Variants in CNTNAP2 observed in about 807,000 individuals in gnomAD.
CNTNAP2 encodes contactin associated protein 2, also known as contactin-associated protein-like 2.
CNTNAP2 carries 98 observed loss-of-function variants against 155.2 expected under a neutral mutation model. That is an observed-to-expected ratio of 0.63 (90% CI 0.54 to 0.75). The LOEUF is 0.75. Among genes scored for constraint, CNTNAP2 ranks in the 30% least tolerant of loss-of-function variants. The probability of loss-of-function intolerance (pLI) is 0.00; values close to 1 mark genes in which losing one functional copy is unlikely to be tolerated. For synonymous variants in CNTNAP2, 651 were observed against 631.2 expected (o/e 1.03, Z -0.47); for missense variants, 1,727 against 1,688.1 (o/e 1.02, Z -0.40).
intron 8 of CNTNAP2, among the ~76,000 whole-genome samples, chr7:147,294,121 T>C (rs1033277439): frequency 2.6e-5 from 4 of 152,288 alleles, no homozygotes; most frequent in African/African-American, 9.6e-5. Context: ...CTCAGCCTCT[T>C]ATGGGGCAAG....
intron 8 of CNTNAP2, among the ~76,000 whole-genome samples, chr7:147,243,103 T>C (rs1438495354): frequency 6.9e-6 from 1 of 145,428 alleles, no homozygotes; most frequent in African/African-American, 2.5e-5. Flanking sequence ...TTTCAAGTGA[T>C]TCCCGTGCCT....
At chr7:146,289,643 G>A (rs1014227490) in intron 1 of CNTNAP2, among the ~76,000 whole-genome samples, 4 of 152,074 alleles carry the variant, frequency 2.6e-5, no homozygotes, top group Non-Finnish European at 5.9e-5. Context: ...AGCGATTTGG[G>A]CCTTCAGCAA....
intron 11 of CNTNAP2, among the ~76,000 whole-genome samples, chr7:147,548,250 C>T (rs1799781870): frequency 6.6e-6 from 1 of 152,208 alleles, no homozygotes; most frequent in African/African-American, 2.4e-5. Context: ...TATTTCTCCA[C>T]AGCCTCACCA....
intron 13 of CNTNAP2, among the ~76,000 whole-genome samples, chr7:147,726,090 T>C (rs1193182441): frequency 2.0e-5 from 3 of 151,850 alleles, no homozygotes; most frequent in African/African-American, 7.2e-5. Context: ...AATAGAATGG[T>C]GGAAGGGCAT....
chr7:146,201,950 A>G (rs906714914), intron 1 of CNTNAP2, among the ~76,000 whole-genome samples: 9 of 146,034 alleles, frequency 6.2e-5, no homozygotes, highest in Non-Finnish European at 1.0e-4. Context: ...AAAACAACAA[A>G]AAACCAAATC....
intron 1 of CNTNAP2, among the ~76,000 whole-genome samples, chr7:146,536,645 A>G (rs1426287508): frequency 6.6e-6 from 1 of 151,560 alleles, no homozygotes; most frequent in Non-Finnish European, 1.5e-5. Flanking sequence ...TGGAAAAGAA[A>G]CTAATGCATC....
intron 15 of CNTNAP2, among the ~76,000 whole-genome samples, chr7:147,987,056 G>A (rs960896332): frequency 5.3e-5 from 8 of 152,062 alleles, no homozygotes; most frequent in African/African-American, 1.9e-4. Flanking sequence ...ACTAACAACT[G>A]AGAAGCAGTA....
chr7:148,031,219 C>T (rs373422174), intron 15 of CNTNAP2, among the ~76,000 whole-genome samples: 4 of 152,040 alleles, frequency 2.6e-5, no homozygotes, highest in African/African-American at 4.8e-5. Flanking sequence ...GGATAGCTCC[C>T]GGGTCCTTAA....
In CNTNAP2 at chr7:147,369,561, A is replaced by G. The variant is rs149456410; in HGVS notation, c.1499-26048A>G. Reference sequence around the variant, plus strand: ...TCAAGAATCAGCAGTCTGTTTTTCCATAAAGGGCCTAATAAATATTCTCAG... The same window carrying G: ...TCAAGAATCAGCAGTCTGTTTTTCCGTAAAGGGCCTAATAAATATTCTCAG... On this transcript the variant is annotated intron_variant, in intron 9 of 23. Coordinates refer to ENST00000361727, the MANE Select transcript of CNTNAP2 (RefSeq NM_014141.6). Among the ~76,000 whole-genome samples, 39 of 152,304 alleles carry G rather than the reference A, an allele frequency of 2.6e-4. No individual in the cohort carries two copies. In the East Asian group the frequency reaches 6.4e-3, roughly 25 times the overall value.
intron 13 of CNTNAP2, among the ~76,000 whole-genome samples, chr7:147,756,095 T>C (rs1404377807): frequency 2.6e-5 from 4 of 152,172 alleles, no homozygotes; most frequent in African/African-American, 7.2e-5. Flanking sequence ...TTCATAACAA[T>C]GACACACAAA....
intron 8 of CNTNAP2, chr7:147,161,588 A>G (rs1240057013): frequency 6.6e-6 from 1 of 150,880 alleles, no homozygotes; most frequent in Middle Eastern, 3.4e-3. Context: ...TTTGATTCCA[A>G]CTTAAAAGAA....
Position 146,550,412 on chromosome 7 carries a change from T to TG in CNTNAP2, c.98-223859_98-223858insG, listed in dbSNP as rs1554447416. On this transcript the variant is annotated intron_variant, in intron 1 of 23. Transcript: ENST00000361727. ...AGGTCCATTAATCTGTTTTTTTTTTTTTTTTTTTTTTTTTTTTATAAAGTA... is the reference window on the plus strand; with the variant it reads ...AGGTCCATTAATCTGTTTTTTTTTTTGTTTTTTTTTTTTTTTTTATAAAGTA... 1.9e-3 allele frequency among the ~76,000 whole-genome samples: 222 copies of TG among 115,488 alleles called. 4 individuals are homozygous for TG. Among genetic ancestry groups the TG allele is most frequent in the Middle Eastern group, 4.0e-3 (1 of 250 alleles). 75.8% of individuals were successfully genotyped at this position (115,488 alleles called of 152,430 possible).
intron 3 of CNTNAP2, among the ~76,000 whole-genome samples, chr7:146,946,426 GATATA>G (rs1450433076): frequency 2.6e-5 from 4 of 152,062 alleles, no homozygotes; most frequent in Admixed American, 6.6e-5. Context: ...TGATGGAACA[GATATA>G]ATATAAAGTA....
intron 14 of CNTNAP2, among the ~76,000 whole-genome samples, chr7:147,949,460 T>TATATATATATATATATATATATATATA (rs60849459): frequency 2.5e-4 from 23 of 92,068 alleles, no homozygotes; most frequent in Admixed American, 5.4e-4. Flanking sequence ...ATATATATAT[T>TATATATATATATATATATATATATATA]TTTTTTTTTT....
chr7:147,136,226 A>T (rs1801475093), intron 8 of CNTNAP2, among the ~76,000 whole-genome samples: 1 of 151,930 alleles, frequency 6.6e-6, no homozygotes, highest in Non-Finnish European at 1.5e-5. Flanking sequence ...TTGGAAAAAA[A>T]TTAACTTCTC....
intron 14 of CNTNAP2, among the ~76,000 whole-genome samples, chr7:147,937,491 G>C (rs2116809286): frequency 6.6e-6 from 1 of 152,192 alleles, no homozygotes; most frequent in Non-Finnish European, 1.5e-5. Flanking sequence ...TGTCTACTAA[G>C]GATACTGCTC....
chr7:146,658,574 A>G (rs1800032528), intron 1 of CNTNAP2, among the ~76,000 whole-genome samples: 1 of 152,200 alleles, frequency 6.6e-6, no homozygotes, highest in African/African-American at 2.4e-5. Context: ...AGAAAGATGA[A>G]ACATTTGGAA....
rs566222066 is a variant in CNTNAP2, at chr7:148,060,244, C to T, written c.2384-57874C>T. On this transcript the variant is annotated intron_variant, in intron 15 of 23. Coordinates refer to ENST00000361727, the MANE Select transcript of CNTNAP2 (RefSeq NM_014141.6). ...AAAAATGTTTTGAACCTTAAAACTGCTTTAAATGATTTTAAATAAATGGTT... is the reference window on the plus strand; with the variant it reads ...AAAAATGTTTTGAACCTTAAAACTGTTTTAAATGATTTTAAATAAATGGTT... Among the ~76,000 whole-genome samples the T allele has an allele frequency of 1.8e-4, 27 of 152,110 alleles. No individual in the cohort carries two copies. The South Asian group carries it at 5.4e-3, about 30-fold the overall frequency.
At chr7:146,955,399 T>C (rs1310643494) in intron 3 of CNTNAP2, among the ~76,000 whole-genome samples, 1 of 151,936 alleles carries the variant, frequency 6.6e-6, no homozygotes, top group African/African-American at 2.4e-5. Flanking sequence ...CACAAGTGTC[T>C]CTTAAAAAGT....
Sources: gnomAD v4.1 joint callset for allele counts (sites outside exome capture counted in the v4.1 genomes callset) on GRCh38, gnomAD v4.1.1 for gene constraint, MANE v1.5 for transcripts, NCBI Gene and HGNC (gene_info 2026-07-23, HGNC 2026-07-21) for gene names.